Variants in RGS3 observed in about 807,000 individuals in gnomAD.
RGS3 encodes regulator of G protein signaling 3.
RGS3 carries 80 observed loss-of-function variants against 132.6 expected under a neutral mutation model. The ratio of observed to expected loss-of-function variants is 0.60; its 90% CI spans 0.50 to 0.73. The LOEUF is 0.73. Ranked by LOEUF, RGS3 falls within the 30% of genes least tolerant of loss-of-function variation. RGS3 has a pLI of 0.00. For missense variants in RGS3, 1,382 were observed against 1,530.8 expected (o/e 0.90, Z 1.62); for synonymous variants, 598 against 620.6 (o/e 0.96, Z 0.54).
At chr9:113,582,184 CAA>C (rs1834854828) in intron 19 of RGS3, 2 of 985,454 alleles carry the variant, frequency 2.0e-6, no homozygotes, top group Non-Finnish European at 2.4e-6. Flanking sequence ...CCCAGGGCTT[CAA>C]AGACTTCTCA....
At chr9:113,454,287 G>C (rs1829318283) in intron 1 of RGS3, among the ~76,000 whole-genome samples, 1 of 152,036 alleles carries the variant, frequency 6.6e-6, no homozygotes, top group Admixed American at 6.6e-5. Context: ...TCTTTAGCTT[G>C]TTCTGGGATG....
chr9:113,491,395 C>T (rs977883168), intron 7 of RGS3, among the ~76,000 whole-genome samples: 7 of 151,684 alleles, frequency 4.6e-5, no homozygotes, highest in Non-Finnish European at 1.0e-4. Context: ...ACTCTGCAGG[C>T]GCATGCCACC....
rs1833932987 is a variant in RGS3, at chr9:113,565,053, TCCCAGTG to T, written c.2038-18394_2038-18388del. 8.8e-7 allele frequency: 1 copy of T among 1,131,016 alleles called. No individual in the cohort carries two copies. Among genetic ancestry groups the T allele is most frequent in the African/African-American group, 1.6e-5 (1 of 60,926 alleles). 70.1% of individuals were successfully genotyped at this position (1,131,016 alleles called of 1,614,324 possible). On this transcript the variant is annotated intron_variant, in intron 19 of 24. Transcript: ENST00000350696. This position sits in a 1 kb window ranked among gnomAD's most constrained non-coding sequence, Gnocchi z 5.7. ...TGTGTGGGGTGGAGCCTGCTAGGGATCCCAGTGCCAGGGGGTGCCGTTGTGAGGGATG... is the reference window on the plus strand; with the variant it reads ...TGTGTGGGGTGGAGCCTGCTAGGGATCCAGGGGGTGCCGTTGTGAGGGATG...
intron 19 of RGS3, among the ~76,000 whole-genome samples, chr9:113,547,692 G>A (rs1459254810): frequency 2.6e-5 from 4 of 152,308 alleles, no homozygotes; most frequent in East Asian, 1.9e-4. Flanking sequence ...TAATTTCCGC[G>A]TGGAATTTGT....
chr9:113,463,616 C>T lies in RGS3; in HGVS notation c.415+1415C>T, dbSNP rs1346545656. 2 of 1,160,208 alleles carry T rather than the reference C, an allele frequency of 1.7e-6. No individual in the cohort carries two copies. Among genetic ancestry groups the T allele is most frequent in the Non-Finnish European group, 2.3e-6 (2 of 888,584 alleles). The allele number at this position is 1,160,208 out of a possible 1,614,324, so 71.9% of individuals were successfully genotyped here. On this transcript the variant is annotated intron_variant, in intron 3 of 24. Transcript: ENST00000350696. This position sits in a 1 kb window ranked among gnomAD's most constrained non-coding sequence, Gnocchi z 4.6. ...CCACCCCGGCCCAGCTCTGCTCCGG[C>T]AGGTGGAACTCTCCCCATTCAAACC...
At position 113,572,493 on chromosome 9, in the gene RGS3, C is replaced by A. The variant is rs1834334331; in HGVS notation, c.2038-10957C>A. Among the ~76,000 whole-genome samples the A allele has an allele frequency of 2.0e-5, 3 of 152,014 alleles. No individual in the cohort carries two copies. The South Asian group carries it at 6.2e-4, about 32-fold the overall frequency. On this transcript the variant is annotated intron_variant, in intron 19 of 24. Coordinates refer to ENST00000350696, the Ensembl canonical transcript of RGS3. ...CATGTCCACATGTCCACTCCAGTGT[C>A]CTCGAGTGAAAAAGCCTCTTTTTTT... is the stretch of plus-strand genomic sequence containing the variant.
At chr9:113,498,484 G>T (rs1322637967) in intron 10 of RGS3, among the ~76,000 whole-genome samples, 1 of 152,170 alleles carries the variant, frequency 6.6e-6, no homozygotes, top group African/African-American at 2.4e-5. Context: ...TGAGACCAAG[G>T]TGTTCTAACT....
chr9:113,498,597 A>G (rs934735820), intron 10 of RGS3, among the ~76,000 whole-genome samples: 1 of 152,144 alleles, frequency 6.6e-6, no homozygotes, highest in Admixed American at 6.6e-5. Flanking sequence ...CAGGGGATCT[A>G]CGGTTTTCTT....
chr9:113,470,279 A>G (rs138210975), intron 3 of RGS3, among the ~76,000 whole-genome samples: 56 of 152,196 alleles, frequency 3.7e-4, no homozygotes, highest in Middle Eastern at 3.4e-3. Flanking sequence ...TGCTCTTTAT[A>G]TTGTTCAAAT....
chr9:113,489,401 G>A (rs1169009110), intron 7 of RGS3, among the ~76,000 whole-genome samples: 2 of 152,282 alleles, frequency 1.3e-5, no homozygotes, highest in African/African-American at 2.4e-5. Flanking sequence ...CCAGGTTCTC[G>A]CAGCTACATT....
chr9:113,459,423 T>G (rs1043374188), upstream of RGS3, among the ~76,000 whole-genome samples: 3 of 152,190 alleles, frequency 2.0e-5, no homozygotes, highest in Admixed American at 6.5e-5. Flanking sequence ...ATTTTCAAAT[T>G]TATACAATAA....
chr9:113,521,048 G>A (rs1385372093), intron 16 of RGS3, among the ~76,000 whole-genome samples: 1 of 152,160 alleles, frequency 6.6e-6, no homozygotes, highest in Non-Finnish European at 1.5e-5. Flanking sequence ...AATGAGGGCA[G>A]TGGTGTTATT....
At chr9:113,504,678 G>A (rs548594388) in intron 10 of RGS3, among the ~76,000 whole-genome samples, 6 of 152,352 alleles carry the variant, frequency 3.9e-5, no homozygotes, top group African/African-American at 1.4e-4. Flanking sequence ...CATGCTGTAG[G>A]AGCTCAATAA....
chr9:113,537,402 G>T lies in RGS3; in HGVS notation c.2037+484G>T, dbSNP rs961082729. On this transcript the variant is annotated intron_variant, in intron 19 of 24. Transcript: ENST00000350696. This position sits in a 1 kb window ranked among gnomAD's most constrained non-coding sequence, Gnocchi z 4.3. ...AGTAGAGCTGAGTGTGGACTGCTGG[G>T]GTCTGGGGACTGGCTGGCAGGAGCA... Among the ~76,000 whole-genome samples the T allele has an allele frequency of 1.3e-5, 2 of 152,158 alleles. No homozygotes were observed. The highest frequency in any genetic ancestry group is 2.4e-5 in the African/African-American group (1 of 41,430).
chr9:113,538,051 A>G (rs1260910936), intron 19 of RGS3, among the ~76,000 whole-genome samples: 1 of 152,236 alleles, frequency 6.6e-6, no homozygotes, highest in African/African-American at 2.4e-5. Flanking sequence ...GGCAGTGGGA[A>G]CTTGGGCAAG....
intron 14 of RGS3, among the ~76,000 whole-genome samples, chr9:113,509,071 G>A (rs1446301776): frequency 6.6e-6 from 1 of 152,008 alleles, no homozygotes; most frequent in Non-Finnish European, 1.5e-5. Flanking sequence ...GGATCACGAG[G>A]TCAGGAGATT....
At chr9:113,572,291 C>T (rs984021804) in intron 19 of RGS3, among the ~76,000 whole-genome samples, 2 of 152,016 alleles carry the variant, frequency 1.3e-5, no homozygotes, top group African/African-American at 4.8e-5. Context: ...GAGAAAGTCT[C>T]ATGACAGAGG....
intron 19 of RGS3, chr9:113,541,744 GC>G (rs1426011326): frequency 1.9e-6 from 2 of 1,035,544 alleles, no homozygotes; most frequent in East Asian, 1.8e-4. Flanking sequence ...TCCCGGACCT[GC>G]CTTGGGGGCA....
intron 16 of RGS3, 81 bp downstream of exon 14, chr9:113,517,705 T>G: frequency 1.9e-6 from 2 of 1,035,766 alleles, no homozygotes; most frequent in Non-Finnish European, 3.0e-6. Context: ...CTTTGGTCTC[T>G]TCCTGAGTAT....
Sources: gnomAD v4.1 joint callset for allele counts (sites outside exome capture counted in the v4.1 genomes callset) on GRCh38, gnomAD v4.1.1 for gene constraint, Gnocchi (gnomAD v3.1) non-coding constraint, MANE v1.5 for transcripts, NCBI Gene and HGNC (gene_info 2026-07-23, HGNC 2026-07-21) for gene names.